The following ARHGAP12 variants were observed in gnomAD, a reference collection of about 807,000 sequenced individuals.
ARHGAP12 encodes Rho GTPase activating protein 12, also known as rho GTPase-activating protein 12.
Under a neutral mutation model 108.6 loss-of-function variants are expected in ARHGAP12, and 64 were observed. That is an observed-to-expected ratio of 0.59 (90% CI 0.48 to 0.73). The LOEUF (loss-of-function observed/expected upper bound fraction) is 0.73. Among genes scored for constraint, ARHGAP12 ranks in the 30% least tolerant of loss-of-function variants. The pLI is 0.00. For synonymous variants in ARHGAP12, 312 were observed against 337.2 expected (o/e 0.93, Z 0.82); for missense variants, 940 against 1,005.9 (o/e 0.93, Z 0.89).
At chr10:31,839,464 A>ACT (rs1422784514) in intron 8 of ARHGAP12, 145 bp from the exon 9 acceptor site, 1 of 1,086,630 alleles carries the variant, frequency 9.2e-7, no homozygotes, top group Non-Finnish European at 1.3e-6. Context: ...CAAAAGGGGG[A>ACT]CTTTTAAATC....
At chr10:31,900,418 TTTA>T (rs1176549587) in intron 3 of ARHGAP12, among the ~76,000 whole-genome samples, 1 of 152,224 alleles carries the variant, frequency 6.6e-6, no homozygotes, top group African/African-American at 2.4e-5. Context: ...TCATTGCAGT[TTTA>T]TTAATAACCA....
intron 4 of ARHGAP12, among the ~76,000 whole-genome samples, chr10:31,858,035 A>G (rs1311475608): frequency 6.6e-6 from 1 of 152,046 alleles, no homozygotes; most frequent in African/African-American, 2.4e-5. Flanking sequence ...GATACCCCAT[A>G]GCTACAAAAA....
intron 3 of ARHGAP12, among the ~76,000 whole-genome samples, chr10:31,867,057 T>C (rs1837353541): frequency 6.6e-6 from 1 of 152,040 alleles, no homozygotes. Context: ...TTAGGTTTAT[T>C]GACAATGAAA....
At chr10:31,895,804 G>A (rs1380394911) in intron 3 of ARHGAP12, among the ~76,000 whole-genome samples, 1 of 152,122 alleles carries the variant, frequency 6.6e-6, no homozygotes, top group East Asian at 1.9e-4. Flanking sequence ...GTTTATTGCG[G>A]CATTATTCAC....
chr10:31,870,129 T>C (rs916987382), intron 3 of ARHGAP12, among the ~76,000 whole-genome samples: 8 of 152,194 alleles, frequency 5.3e-5, no homozygotes, highest in Non-Finnish European at 1.5e-5. Flanking sequence ...AAGCTGAACT[T>C]ATTTTTTTAA....
chr10:31,884,543 G>A (rs1435914731), intron 3 of ARHGAP12, among the ~76,000 whole-genome samples: 1 of 152,180 alleles, frequency 6.6e-6, no homozygotes, highest in Non-Finnish European at 1.5e-5. Context: ...ACAAGTGGCA[G>A]TTTCTTAAAG....
intron 2 of ARHGAP12, 69 bp from the exon 3 acceptor site, chr10:31,908,995 A>T: frequency 1.2e-6 from 1 of 828,454 alleles, no homozygotes. Flanking sequence ...GTATTTACTC[A>T]CAAGCATCAT....
chr10:31,840,544 T>A (rs1191872547), intron 7 of ARHGAP12, among the ~76,000 whole-genome samples: 1 of 152,128 alleles, frequency 6.6e-6, no homozygotes, highest in Non-Finnish European at 1.5e-5. Flanking sequence ...GAGAATTTTT[T>A]AAATCATACA....
intron 1 of ARHGAP12, among the ~76,000 whole-genome samples, chr10:31,924,288 G>A (rs190896782): frequency 2.6e-5 from 4 of 152,114 alleles, no homozygotes; most frequent in African/African-American, 4.8e-5. Flanking sequence ...AAACTCAAAG[G>A]CCTATGAACT....
chr10:31,826,427 T>G, intron 10 of ARHGAP12, 42 bp from the exon 11 acceptor site: 1 of 1,531,758 alleles, frequency 6.5e-7, no homozygotes, highest in Non-Finnish European at 8.9e-7. Context: ...CAATCTCGAG[T>G]TCTTTCAGCC....
chr10:31,844,449 G>A (rs1592280491), intron 6 of ARHGAP12, among the ~76,000 whole-genome samples: 3 of 152,190 alleles, frequency 2.0e-5, no homozygotes, highest in South Asian at 2.1e-4. Context: ...AATAATCTTA[G>A]TAACATTCTT....
At chr10:31,921,162 T>A (rs1215051700) in intron 1 of ARHGAP12, among the ~76,000 whole-genome samples, 1 of 152,098 alleles carries the variant, frequency 6.6e-6, no homozygotes, top group Non-Finnish European at 1.5e-5. Context: ...GATATGCACC[T>A]GTAGTCCCAG....
chr10:31,814,792 C>A (rs1270652573), intron 13 of ARHGAP12, among the ~76,000 whole-genome samples: 1 of 152,158 alleles, frequency 6.6e-6, no homozygotes, highest in African/African-American at 2.4e-5. Context: ...AAGACTCATA[C>A]TTCAGATTCA....
At chr10:31,855,907 C>T (rs939556625) in intron 4 of ARHGAP12, among the ~76,000 whole-genome samples, 15 of 152,100 alleles carry the variant, frequency 9.9e-5, no homozygotes, top group Non-Finnish European at 1.5e-4. Context: ...TGGATATCTT[C>T]CACTGGAAAA....
intron 3 of ARHGAP12, among the ~76,000 whole-genome samples, chr10:31,878,717 T>C (rs1439900517): frequency 6.6e-6 from 1 of 152,180 alleles, no homozygotes; most frequent in Non-Finnish European, 1.5e-5. Flanking sequence ...TGCACTTAGG[T>C]TCTCATGCTA....
At chr10:31,849,850 C>T (rs573457628) in intron 6 of ARHGAP12, among the ~76,000 whole-genome samples, 2 of 152,240 alleles carry the variant, frequency 1.3e-5, no homozygotes, top group South Asian at 4.1e-4. Context: ...AGTCTCTTGC[C>T]TCTCCTCTTT....
chr10:31,861,453 CGAG>C lies in ARHGAP12; in HGVS notation c.887_889del (p.Pro296del), dbSNP rs1466518631. ...GCTGATGCTTGCATCCCGAGTCCAA[CGAG>C]GAGGTTTCCAAGTTCTTTCCTGTGT... On this transcript the variant is annotated inframe_deletion, in exon 4 of 20. Transcript: ENST00000344936. The C allele has an allele frequency of 6.2e-7, 1 of 1,614,158 alleles. No individual in the cohort carries two copies. Among genetic ancestry groups the C allele is most frequent in the Non-Finnish European group, 8.5e-7 (1 of 1,180,014 alleles).
At chr10:31,922,125 G>A (rs1839843314) in intron 1 of ARHGAP12, among the ~76,000 whole-genome samples, 1 of 137,762 alleles carries the variant, frequency 7.3e-6, no homozygotes, top group Non-Finnish European at 1.5e-5. Flanking sequence ...AGGCTGCAGC[G>A]AGCTGAGATC....
intron 1 of ARHGAP12, among the ~76,000 whole-genome samples, chr10:31,920,465 A>AAG (rs1554792349): frequency 2.6e-5 from 4 of 151,050 alleles, no homozygotes; most frequent in Non-Finnish European, 5.9e-5. Context: ...AAAAAAAAAA[A>AAG]AAAAAAGAAA....
Sources: allele counts gnomAD v4.1 joint callset (sites outside exome capture counted in the v4.1 genomes callset), GRCh38; gene constraint gnomAD v4.1.1; transcripts MANE v1.5; gene names NCBI Gene and HGNC (gene_info 2026-07-23, HGNC 2026-07-21).